The following STRIP1 variants were observed in gnomAD, a reference collection of about 807,000 sequenced individuals.
The protein encoded by STRIP1 is striatin interacting protein 1, also known as striatin-interacting protein 1.
In STRIP1, 63 loss-of-function variants were observed where a neutral mutation model predicts 106.2. The ratio of observed to expected loss-of-function variants is 0.59; its 90% CI spans 0.48 to 0.73. The LOEUF (loss-of-function observed/expected upper bound fraction) is 0.73, where lower values mean the gene tolerates loss of function less well. STRIP1 is among the 30% of genes least tolerant of loss of function. The pLI, the probability that STRIP1 is intolerant of heterozygous loss-of-function variation, is 0.00. For synonymous variants in STRIP1, 390 were observed against 413.0 expected (o/e 0.94, Z 0.67); for missense variants, 857 against 1,074.8 (o/e 0.80, Z 2.83).
At chr1:110,053,272 A>G (rs1005439627) in intron 20 of STRIP1, among the ~76,000 whole-genome samples, 4 of 152,198 alleles carry the variant, frequency 2.6e-5, no homozygotes, top group Non-Finnish European at 5.9e-5. Flanking sequence ...TGTACTCTCA[A>G]TGCCCTGTGA....
chr1:110,034,568 G>T, upstream of STRIP1: 1 of 1,443,050 alleles, frequency 6.9e-7, no homozygotes, highest in South Asian at 1.4e-5. Context: ...AAATTTCCTG[G>T]AGAAAATCAC....
chr1:110,049,054 C>T, intron 15 of STRIP1, 58 bp from the exon 16 acceptor site: 1 of 1,605,126 alleles, frequency 6.2e-7, no homozygotes, highest in South Asian at 1.1e-5. Flanking sequence ...TTTCTGTGGG[C>T]ACCTAGAAAT....
At position 110,053,846 on chromosome 1, in the gene STRIP1, C is replaced by CG. The variant is rs1653414993; in HGVS notation, c.2448_2449insG (p.Tyr817ValfsTer2). On this transcript the variant is annotated frameshift_variant, in exon 21 of 21. Coordinates refer to ENST00000369795, the MANE Select transcript of STRIP1 (RefSeq NM_033088.4). LOFTEE classifies it high-confidence loss of function. ...ACCTCCCTGAGGACTTTCAGATGAACTATGACCTCTGGTTAGAAAGGGAGG... is the reference window on the plus strand; with the variant it reads ...ACCTCCCTGAGGACTTTCAGATGAACGTATGACCTCTGGTTAGAAAGGGAGG... The CG allele has an allele frequency of 6.2e-7, 1 of 1,614,050 alleles. No homozygotes were observed. The highest frequency in any genetic ancestry group is 1.1e-5 in the South Asian group (1 of 91,088).
chr1:110,038,071 AATATATATAT>A (rs3085770), intron 2 of STRIP1, 111 bp downstream of exon 2: 22,938 of 129,960 alleles, frequency 0.18, 2,418 homozygotes, highest in Non-Finnish European at 0.2. Flanking sequence ...AGTTCTATCA[AATATATATAT>A]ATATATATAT....
intron 16 of STRIP1, 32 bp downstream of exon 16, chr1:110,049,270 G>A (rs759858098): frequency 2.5e-6 from 4 of 1,613,530 alleles, no homozygotes; most frequent in African/African-American, 1.3e-5. Context: ...CTGTCCTGTG[G>A]GCTGGGGCCT....
chr1:110,051,594 C>T, intron 19 of STRIP1, 89 bp from the exon 20 acceptor site: 1 of 1,333,514 alleles, frequency 7.5e-7, no homozygotes, highest in Non-Finnish European at 1.0e-6. Context: ...CTGACAGTAA[C>T]TTCCAAAGGG....
chr1:110,045,163 CTG>C, intron 12 of STRIP1, 85 bp downstream of exon 12: 3 of 1,266,680 alleles, frequency 2.4e-6, no homozygotes, highest in South Asian at 1.2e-5. Context: ...CCTTTTAAGA[CTG>C]TTGTCTGCCT....
At position 110,040,650 on chromosome 1, in the gene STRIP1, C is replaced by T. The variant is rs1481737346; in HGVS notation, c.597C>T (p.Cys199=). ...TCTCCTGCAGCAACAGTGCCGCCTG[C>T]AGCAGTGCTGTGAGGAAGCCTGCCA... The part of the protein sequence containing the change: ...LNMEIDNSAA[C]SSAVRKPAIS... The change falls in exon 6 of 21, where the codon TGC becomes TGT. Residue 199 remains cysteine (C), a synonymous_variant. Coordinates refer to ENST00000369795, the MANE Select transcript of STRIP1 (RefSeq NM_033088.4). The T allele has an allele frequency of 1.2e-6, 2 of 1,612,242 alleles. No homozygotes were observed. Among genetic ancestry groups the T allele is most frequent in the Non-Finnish European group, 8.5e-7 (1 of 1,179,152 alleles).
chr1:110,038,864 A>C, intron 3 of STRIP1, 107 bp downstream of exon 3: 2 of 1,044,242 alleles, frequency 1.9e-6, no homozygotes, highest in Non-Finnish European at 2.9e-6. Flanking sequence ...CAGCCTGAGA[A>C]GCCTGCTGAA....
intron 8 of STRIP1, 160 bp from the exon 9 acceptor site, chr1:110,042,928 T>C: frequency 1.6e-6 from 1 of 636,072 alleles, no homozygotes; most frequent in Non-Finnish European, 2.6e-6. Flanking sequence ...TGTCACGGAA[T>C]TCTCCTTGGG....
intron 16 of STRIP1, 40 bp downstream of exon 16, chr1:110,049,278 C>T (rs763018412): frequency 6.2e-7 from 1 of 1,613,148 alleles, no homozygotes; most frequent in Non-Finnish European, 8.5e-7. Context: ...TGGGCTGGGG[C>T]CTCGGGCACT....
intron 6 of STRIP1, 80 bp downstream of exon 6, chr1:110,040,783 G>C: frequency 1.6e-6 from 2 of 1,233,412 alleles, no homozygotes; most frequent in Admixed American, 4.6e-5. Flanking sequence ...CTGTCTGTGG[G>C]TGTCATTGCT....
chr1:110,035,685 A>G (rs771869041), intron 1 of STRIP1, among the ~76,000 whole-genome samples: 1 of 152,156 alleles, frequency 6.6e-6, no homozygotes, highest in Non-Finnish European at 1.5e-5. Flanking sequence ...AGCACTTACT[A>G]TGCCATCTCC....
chr1:110,049,618 C>A, intron 17 of STRIP1, 58 bp downstream of exon 17: 2 of 1,244,274 alleles, frequency 1.6e-6, no homozygotes, highest in Non-Finnish European at 2.3e-6. Flanking sequence ...GAGTTCCCAG[C>A]TGGTATTTCC....
Position 110,050,415 on chromosome 1 carries a change from T to TGGCTGGGCTCTC in STRIP1, c.1956+7_1956+18dup. ...AGCTGACGGCGGAGAGTTTGGTGAG[T>TGGCTGGGCTCTC]GGCTGGGCTCTCCTCAGCTGTCCTT... On this transcript the variant is annotated splice_region_variant and intron_variant, in intron 18 of 20. Transcript: ENST00000369795. 1.9e-6 allele frequency: 3 copies of TGGCTGGGCTCTC among 1,613,958 alleles called. No homozygotes were observed. Among genetic ancestry groups the TGGCTGGGCTCTC allele is most frequent in the Non-Finnish European group, 8.5e-7 (1 of 1,179,902 alleles).
At position 110,049,166 on chromosome 1, in the gene STRIP1, G is replaced by T. The variant is rs888742692; in HGVS notation, c.1716G>T (p.Glu572Asp). The part of the protein sequence containing the change: ...KLGVDVNRHK[E>D]VIVKAISAVL... ...GGGTGGATGTAAACCGCCACAAAGA[G>T]GTCATTGTTAAGGCCATTTCTGCTG... Residue 572 changes from glutamate (E) to aspartate (D), a missense_variant, in exon 16 of 21, where the codon GAG (glutamate) becomes GAT (aspartate). Glu to Asp is a conservative substitution (Grantham distance 45). Around this residue, in one of 2 missense-constraint regions of STRIP1, gnomAD observed 750 missense variants for 989.8 expected, o/e 0.76. Coordinates refer to ENST00000369795, the MANE Select transcript of STRIP1 (RefSeq NM_033088.4). The T allele has an allele frequency of 6.2e-7, 1 of 1,614,224 alleles. No homozygotes were observed. Among genetic ancestry groups the T allele is most frequent in the South Asian group, 1.1e-5 (1 of 91,086 alleles).
intron 2 of STRIP1, among the ~76,000 whole-genome samples, 191 bp from the exon 3 acceptor site, chr1:110,038,492 C>G (rs1408325268): frequency 6.6e-6 from 1 of 152,188 alleles, no homozygotes; most frequent in Admixed American, 6.5e-5. Context: ...CATTCTGGCA[C>G]TCTGGTTGTC....
intron 12 of STRIP1, among the ~76,000 whole-genome samples, chr1:110,046,441 A>G (rs980925574): frequency 3.3e-5 from 5 of 152,184 alleles, no homozygotes; most frequent in Non-Finnish European, 5.9e-5. Flanking sequence ...CGGAGGTGGC[A>G]GTGAGCCAAG....
chr1:110,046,592 G>GA, intron 12 of STRIP1, 88 bp from the exon 13 acceptor site: 1 of 1,184,442 alleles, frequency 8.4e-7, no homozygotes, highest in Non-Finnish European at 1.3e-6. Context: ...TGTGTTTGAA[G>GA]ACAAATGTGT....
Sources: allele counts gnomAD v4.1 joint callset (sites outside exome capture counted in the v4.1 genomes callset), GRCh38; gene constraint gnomAD v4.1.1; regional missense constraint gnomAD v4.1.1; transcripts MANE v1.5; gene names NCBI Gene and HGNC (gene_info 2026-07-23, HGNC 2026-07-21).